NRG3: variants seen among roughly 807,000 people sequenced by gnomAD.
NRG3 encodes the protein pro-neuregulin-3, membrane-bound isoform.
A neutral mutation model predicts 66.9 loss-of-function variants in NRG3; 31 were observed. The ratio of observed to expected loss-of-function variants is 0.46; its 90% CI spans 0.35 to 0.63. The LOEUF is 0.63. NRG3 is among the 20% of genes least tolerant of loss of function. The pLI is 0.00. For synonymous variants in NRG3, 393 were observed against 359.4 expected (o/e 1.09, Z -1.06); for missense variants, 910 against 878.9 (o/e 1.04, Z -0.45).
chr10:81,921,564 C>T (rs549862000), intron 1 of NRG3, among the ~76,000 whole-genome samples: 2 of 151,942 alleles, frequency 1.3e-5, no homozygotes, highest in South Asian at 4.1e-4. Flanking sequence ...ACATTTATGC[C>T]TACTATGTTT....
At position 82,160,493 on chromosome 10, in the gene NRG3, C is replaced by CT. The variant is rs372560263; in HGVS notation, c.824-198237dup. Among the ~76,000 whole-genome samples, 472 of 150,792 alleles carry CT rather than the reference C, an allele frequency of 3.1e-3. 6 individuals carry two copies. The highest frequency in any genetic ancestry group is 0.01 in the African/African-American group (417 of 41,184). ...TAATAATGGATTTTGTAAGGAATTT[C>CT]TTTTTTTTTGTTTTGTTTTGTTTTG... On this transcript the variant is annotated intron_variant, in intron 1 of 8. Transcript: ENST00000372141.
intron 3 of NRG3, among the ~76,000 whole-genome samples, chr10:82,831,442 A>G (rs188826283): frequency 1.4e-3 from 207 of 144,396 alleles, no homozygotes; most frequent in Non-Finnish European, 2.4e-3. Context: ...TAATGTATAT[A>G]GTATCTTATG....
chr10:82,268,313 G>C (rs572067080), intron 1 of NRG3, among the ~76,000 whole-genome samples: 1 of 152,248 alleles, frequency 6.6e-6, no homozygotes, highest in Non-Finnish European at 1.5e-5. Context: ...TTTTGCTCAA[G>C]TCATTGCTTG....
At chr10:82,582,796 G>A (rs1355134268) in intron 2 of NRG3, among the ~76,000 whole-genome samples, 2 of 151,614 alleles carry the variant, frequency 1.3e-5, no homozygotes, top group Non-Finnish European at 2.9e-5. Flanking sequence ...CATTTATATA[G>A]CATCATGGTC....
chr10:81,946,311 T>C (rs79666098), intron 1 of NRG3, among the ~76,000 whole-genome samples: 1,630 of 152,246 alleles, frequency 0.011, 23 homozygotes, highest in Admixed American at 0.023. Flanking sequence ...GCCCAGCCAA[T>C]ACCTTGATCT....
At chr10:81,882,602 G>A (rs1033452330) in intron 1 of NRG3, among the ~76,000 whole-genome samples, 5 of 151,982 alleles carry the variant, frequency 3.3e-5, no homozygotes, top group African/African-American at 7.3e-5. Context: ...TGCCAATCCC[G>A]AAAGAGTTTA....
At chr10:82,761,962 T>G (rs899285902) in intron 3 of NRG3, among the ~76,000 whole-genome samples, 1 of 150,056 alleles carries the variant, frequency 6.7e-6, no homozygotes, top group Admixed American at 6.7e-5. Context: ...CTTTCTTTCT[T>G]TCTTTCTTTC....
intron 3 of NRG3, among the ~76,000 whole-genome samples, chr10:82,743,421 CA>C (rs1430791117): frequency 6.6e-6 from 1 of 152,084 alleles, no homozygotes; most frequent in African/African-American, 2.4e-5. Context: ...TTAGACTTCC[CA>C]TCAGCCCACT....
At chr10:82,199,874 A>ATGTG (rs939606710) in intron 1 of NRG3, among the ~76,000 whole-genome samples, 35 of 149,698 alleles carry the variant, frequency 2.3e-4, no homozygotes, top group Non-Finnish European at 3.4e-4. Flanking sequence ...GAGAGTGTGC[A>ATGTG]TGTGTGTGTG....
chr10:82,959,652 A>C (rs1454309316), intron 6 of NRG3, among the ~76,000 whole-genome samples: 3 of 152,198 alleles, frequency 2.0e-5, no homozygotes, highest in Non-Finnish European at 4.4e-5. Context: ...ATGCAGGAAG[A>C]ATAAAGCCAT....
chr10:82,195,182 C>A (rs920039883), intron 1 of NRG3, among the ~76,000 whole-genome samples: 3 of 152,072 alleles, frequency 2.0e-5, no homozygotes, highest in South Asian at 2.1e-4. Flanking sequence ...AGAGCTCAGG[C>A]AAAATGGTAT....
At chr10:82,175,568 A>G (rs2072964310) in intron 1 of NRG3, among the ~76,000 whole-genome samples, 1 of 152,168 alleles carries the variant, frequency 6.6e-6, no homozygotes, top group African/African-American at 2.4e-5. Context: ...GATTTTCAAG[A>G]CTCAGTTCTG....
chr10:81,967,915 T>C (rs1329597552), intron 1 of NRG3, among the ~76,000 whole-genome samples: 1 of 152,334 alleles, frequency 6.6e-6, no homozygotes, highest in Non-Finnish European at 1.5e-5. Context: ...TTGTGTTTAC[T>C]AGTGTATTTG....
At chr10:82,074,661 C>G (rs2064992785) in intron 1 of NRG3, among the ~76,000 whole-genome samples, 1 of 152,040 alleles carries the variant, frequency 6.6e-6, no homozygotes, top group South Asian at 2.1e-4. Context: ...AAGACTCTCT[C>G]TCTACAAACA....
intron 2 of NRG3, among the ~76,000 whole-genome samples, chr10:82,409,726 A>G (rs1300632583): frequency 6.6e-6 from 1 of 152,116 alleles, no homozygotes; most frequent in Non-Finnish European, 1.5e-5. Flanking sequence ...ATGAATTATA[A>G]AAGAACCCAG....
chr10:82,469,198 C>T (rs1176160486), intron 2 of NRG3, among the ~76,000 whole-genome samples: 1 of 152,070 alleles, frequency 6.6e-6, no homozygotes, highest in Non-Finnish European at 1.5e-5. Flanking sequence ...TCATTCTTTC[C>T]CTCCCCTTTT....
At chr10:82,562,321 G>C (rs148978153) in intron 2 of NRG3, among the ~76,000 whole-genome samples, 2 of 152,230 alleles carry the variant, frequency 1.3e-5, no homozygotes, top group East Asian at 3.9e-4. Context: ...GATTGGAAAA[G>C]TGAGAGTATA....
intron 1 of NRG3, among the ~76,000 whole-genome samples, chr10:82,148,763 C>T (rs545140698): frequency 4.2e-4 from 60 of 142,626 alleles, no homozygotes; most frequent in African/African-American, 1.6e-3. Context: ...CCAAAGAAAC[C>T]CTTACAATCC....
At chr10:82,008,971 A>T (rs1027515731) in intron 1 of NRG3, among the ~76,000 whole-genome samples, 1 of 152,200 alleles carries the variant, frequency 6.6e-6, no homozygotes, top group African/African-American at 2.4e-5. Context: ...GTCTCATGAA[A>T]TGAAGTGCTG....
Sources: gnomAD v4.1 joint callset for allele counts (sites outside exome capture counted in the v4.1 genomes callset) on GRCh38, gnomAD v4.1.1 for gene constraint, MANE v1.5 for transcripts, NCBI Gene and HGNC (gene_info 2026-07-23, HGNC 2026-07-21) for gene names.